Variants in PI4KB observed in about 807,000 individuals in gnomAD.
The protein encoded by PI4KB is phosphatidylinositol 4-kinase beta, also known as PtdIns 4-kinase beta.
Under a neutral mutation model 81.4 loss-of-function variants are expected in PI4KB, and 23 were observed. The observed-to-expected ratio is 0.28, with a 90% CI of 0.20 to 0.40. PI4KB has a LOEUF of 0.40. Among genes scored for constraint, PI4KB ranks in the 10% least tolerant of loss-of-function variants. PI4KB has a pLI of 1.00. For missense variants in PI4KB, 651 were observed against 1,036.6 expected (o/e 0.63, Z 5.11); for synonymous variants, 381 against 406.8 (o/e 0.94, Z 0.76).
At chr1:151,299,934 T>C in intron 8 of PI4KB, among the ~76,000 whole-genome samples, 1 of 152,318 alleles carries the variant, frequency 6.6e-6, no homozygotes, top group Admixed American at 6.5e-5. Context: ...AAAATTTGAT[T>C]ACAACCAATT....
At position 151,294,547 on chromosome 1, in the gene PI4KB, G is replaced by A; in HGVS notation, c.2016-6C>T. On this transcript the variant is annotated splice_polypyrimidine_tract_variant and splice_region_variant and intron_variant, in intron 9 of 11. Transcript: ENST00000368873. ...AAAGGATATTCCCATTGTGTCTGAGGAGGGGGAATAGAGGAGAGGAAGAGG... is the reference window on the plus strand; with the variant it reads ...AAAGGATATTCCCATTGTGTCTGAGAAGGGGGAATAGAGGAGAGGAAGAGG... 2 of 1,613,982 alleles carry A rather than the reference G, an allele frequency of 1.2e-6. No individual in the cohort carries two copies. The highest frequency in any genetic ancestry group is 1.7e-5 in the Admixed American group (1 of 60,014).
chr1:151,322,856 T>C (rs550032498), intron 1 of PI4KB, among the ~76,000 whole-genome samples: 1 of 152,226 alleles, frequency 6.6e-6, no homozygotes, highest in South Asian at 2.1e-4. Context: ...GGAAAGCTTC[T>C]TCCTGGCCTC....
chr1:151,302,577 CTTTTTTTTTTT>C (rs144203698), intron 6 of PI4KB, among the ~76,000 whole-genome samples: 1,771 of 133,792 alleles, frequency 0.013, 42 homozygotes, highest in African/African-American at 0.046. Flanking sequence ...CTTTTCTTTT[CTTTTTTTTTTT>C]TTTTTTGAGA....
chr1:151,293,260 G>C, intron 11 of PI4KB: 5 of 1,416,300 alleles, frequency 3.5e-6, no homozygotes, highest in Non-Finnish European at 4.6e-6. Flanking sequence ...GCAGAGGAAG[G>C]AAGGGGACCA....
intron 10 of PI4KB, 78 bp from the exon 11 acceptor site, chr1:151,294,216 A>G: frequency 6.5e-7 from 1 of 1,542,140 alleles, no homozygotes; most frequent in Non-Finnish European, 8.8e-7. Context: ...GCCTACCAGA[A>G]CTCCTCCTCC....
At chr1:151,312,658 G>A (rs1227624740) in intron 2 of PI4KB, among the ~76,000 whole-genome samples, 2 of 152,214 alleles carry the variant, frequency 1.3e-5, no homozygotes, top group African/African-American at 4.8e-5. Context: ...AGAAGGATGA[G>A]TAAAAGGAAA....
Position 151,316,039 on chromosome 1 carries a change from A to G in PI4KB, c.443T>C (p.Leu148Pro). ...LFDISMAISY[L>P]YNSKEPGVQA... ...TACTCCAGGCTCCTTGGAGTTATAC[A>G]GGTATGAAATGGCCATGGAGATGTC... The change falls in exon 2 of 12, where the codon CTG becomes CCG. Residue 148 changes from leucine (L) to proline (P), a missense_variant. Around this residue, in one of 5 missense-constraint regions of PI4KB, gnomAD observed 314 missense variants for 397.8 expected, o/e 0.79. Transcript: ENST00000368873. The G allele has an allele frequency of 6.2e-7, 1 of 1,614,172 alleles. No homozygotes were observed. The highest frequency in any genetic ancestry group is 8.5e-7 in the Non-Finnish European group (1 of 1,179,998).
intron 1 of PI4KB, among the ~76,000 whole-genome samples, chr1:151,324,133 T>C (rs1005261985): frequency 6.6e-6 from 1 of 152,000 alleles, no homozygotes; most frequent in Admixed American, 6.5e-5. Context: ...GTATTTTTAG[T>C]AGAGATGGGG....
chr1:151,305,374 T>C (rs1469412595), intron 5 of PI4KB, among the ~76,000 whole-genome samples: 1 of 152,248 alleles, frequency 6.6e-6, no homozygotes, highest in Non-Finnish European at 1.5e-5. Context: ...GTCTGGTCCA[T>C]GCCCACGTGT....
Position 151,292,728 on chromosome 1 carries a change from T to G in PI4KB, c.*124A>C, listed in dbSNP as rs892824980. On this transcript the variant is annotated 3_prime_UTR_variant, in exon 12 of 12. Coordinates refer to ENST00000368873, the MANE Select transcript of PI4KB (RefSeq NM_001369623.2). ...TTACCACATGATCCTTCGTGTTTCTTGCCTTCCATTTCCCTTGGGTGGATG... is the reference window on the plus strand; with the variant it reads ...TTACCACATGATCCTTCGTGTTTCTGGCCTTCCATTTCCCTTGGGTGGATG... 1.5e-5 allele frequency: 13 copies of G among 847,318 alleles called. No individual in the cohort carries two copies. The African/African-American group carries it at 2.1e-4, about 13-fold the overall frequency. 52.5% of individuals were successfully genotyped at this position (847,318 alleles called of 1,614,324 possible). A position where few individuals can be genotyped will look rare whatever the true frequency, so the allele number is the denominator to read the frequency against.
intron 4 of PI4KB, 40 bp downstream of exon 4, chr1:151,307,534 G>C (rs1251370689): frequency 1.4e-6 from 2 of 1,382,294 alleles, no homozygotes. Context: ...TGGGTGAAGA[G>C]TCACGTCCAG....
intron 1 of PI4KB, chr1:151,326,341 C>T (rs570494009): frequency 4.8e-6 from 3 of 623,286 alleles, no homozygotes; most frequent in Non-Finnish European, 5.7e-6. Flanking sequence ...GCTCACAACA[C>T]ATTTTTCTTC....
chr1:151,293,817 C>T (rs1436440607), intron 11 of PI4KB: 2 of 564,104 alleles, frequency 3.5e-6, no homozygotes, highest in Non-Finnish European at 3.0e-6. Context: ...TATCCCCTTC[C>T]CCAGCCTTCT....
intron 3 of PI4KB, among the ~76,000 whole-genome samples, chr1:151,308,823 T>C (rs1221213940): frequency 6.6e-6 from 1 of 152,190 alleles, no homozygotes; most frequent in African/African-American, 2.4e-5. Flanking sequence ...AGAAACAGCA[T>C]TTGACTCACC....
Position 151,307,342 on chromosome 1 carries a change from C to G in PI4KB, c.1182+232G>C, listed in dbSNP as rs587761004. 5.9e-5 allele frequency among the ~76,000 whole-genome samples: 9 copies of G among 152,264 alleles called. No homozygotes were observed. In the South Asian group the frequency reaches 1.9e-3, roughly 32 times the overall value. ...CTCCTAAGATACAGCAAGAAGGAAG[C>G]TAAAAAGATTAGGTTTCTTTGGTCC... is the stretch of plus-strand genomic sequence containing the variant. On this transcript the variant is annotated intron_variant, in intron 4 of 11. Coordinates refer to ENST00000368873, the MANE Select transcript of PI4KB (RefSeq NM_001369623.2).
intron 5 of PI4KB, among the ~76,000 whole-genome samples, chr1:151,305,894 T>C (rs1695715812): frequency 6.6e-6 from 1 of 152,214 alleles, no homozygotes; most frequent in Admixed American, 6.5e-5. Flanking sequence ...TCACTCCCCT[T>C]GGCCTAGAAG....
rs1222600661 is a variant in PI4KB, at chr1:151,327,375, C to T, written c.-133G>A. The T allele has an allele frequency of 2.5e-6, 1 of 396,502 alleles. No homozygotes were observed. The highest frequency in any genetic ancestry group is 4.4e-6 in the Non-Finnish European group (1 of 225,674). 24.6% of individuals were successfully genotyped at this position (396,502 alleles called of 1,614,324 possible). On this transcript the variant is annotated 5_prime_UTR_variant, in exon 1 of 12. Coordinates refer to ENST00000368873, the MANE Select transcript of PI4KB (RefSeq NM_001369623.2). ...TCCCGGGTTCCATTGGCCGCCTGCG[C>T]TTCCCTGACAGCGGCCGCGGAGGCT...
At chr1:151,314,190 G>A (rs1032729639) in intron 2 of PI4KB, among the ~76,000 whole-genome samples, 1 of 152,192 alleles carries the variant, frequency 6.6e-6, no homozygotes, top group Non-Finnish European at 1.5e-5. Flanking sequence ...AAGTCCCATT[G>A]TATCAAAAAC....
chr1:151,293,136 C>G (rs587645851), intron 11 of PI4KB, 103 bp from the exon 12 acceptor site: 12 of 1,533,300 alleles, frequency 7.8e-6, no homozygotes, highest in Admixed American at 6.2e-5. Context: ...CCCTTTTCCT[C>G]CCACCTCAGG....
Sources: gnomAD v4.1 joint callset for allele counts (sites outside exome capture counted in the v4.1 genomes callset) on GRCh38, gnomAD v4.1.1 for gene constraint, gnomAD v4.1.1 regional missense constraint, MANE v1.5 for transcripts, NCBI Gene and HGNC (gene_info 2026-07-23, HGNC 2026-07-21) for gene names.